Variants in GFRAL observed in about 807,000 individuals in gnomAD.
GFRAL encodes GDNF family receptor alpha-like.
In GFRAL, 36 loss-of-function variants were observed where a neutral mutation model predicts 45.4. That is an observed-to-expected ratio of 0.79 (90% confidence interval 0.61 to 1.05). GFRAL has a LOEUF of 1.05. Among genes scored for constraint, GFRAL ranks in the 50% least tolerant of loss-of-function variants. GFRAL has a pLI of 0.00. For synonymous variants in GFRAL, 166 were observed against 154.1 expected, an observed-to-expected ratio of 1.08 and a Z score of -0.57; for missense variants, 507 against 467.5, an observed-to-expected ratio of 1.08 and a Z score of -0.78.
intron 6 of GFRAL, among the ~76,000 whole-genome samples, chr6:55,391,694 G>T (rs974188018): frequency 2.6e-5 from 4 of 152,134 alleles, no homozygotes; most frequent in Admixed American, 2.6e-4. Flanking sequence ...AAGTTGCAGT[G>T]AAGTATGATT....
chr6:55,365,897 T>C (rs1279707736), intron 6 of GFRAL, among the ~76,000 whole-genome samples: 1 of 146,778 alleles, frequency 6.8e-6, no homozygotes, highest in Admixed American at 6.8e-5. Flanking sequence ...TGGTCTAAAA[T>C]TCTCTTTTTT....
chr6:55,366,318 G>A (rs1768362526), intron 6 of GFRAL, among the ~76,000 whole-genome samples: 1 of 151,780 alleles, frequency 6.6e-6, no homozygotes, highest in Non-Finnish European at 1.5e-5. Context: ...GCATCTATTT[G>A]ATTCTGCTCT....
chr6:55,378,289 A>T (rs1279545633), intron 6 of GFRAL, among the ~76,000 whole-genome samples: 1 of 152,096 alleles, frequency 6.6e-6, no homozygotes. Flanking sequence ...GCAAATTCAT[A>T]TCCAAAGTAA....
chr6:55,359,233 T>A, intron 6 of GFRAL, 95 bp downstream of exon 6: 1 of 991,048 alleles, frequency 1.0e-6, no homozygotes, highest in Non-Finnish European at 1.5e-6. Context: ...GTAAAAGAGG[T>A]AATCCAGCAC....
intron 6 of GFRAL, among the ~76,000 whole-genome samples, chr6:55,366,254 A>G (rs145322400): frequency 0.72 from 109,043 of 151,546 alleles, 40,032 homozygotes; most frequent in African/African-American, 0.87. Flanking sequence ...TTCTCTGATG[A>G]TAGTTTGTAT....
At chr6:55,383,685 C>T (rs1020623593) in intron 6 of GFRAL, among the ~76,000 whole-genome samples, 1 of 151,972 alleles carries the variant, frequency 6.6e-6, no homozygotes, top group South Asian at 2.1e-4. Context: ...TGGTCCTGAT[C>T]ATTAAGCTAC....
intron 3 of GFRAL, among the ~76,000 whole-genome samples, chr6:55,346,263 T>G (rs1339195031): frequency 6.6e-6 from 1 of 152,102 alleles, no homozygotes; most frequent in African/African-American, 2.4e-5. Flanking sequence ...GCAACACTAT[T>G]CACAATAGCA....
intron 3 of GFRAL, among the ~76,000 whole-genome samples, chr6:55,345,272 CT>C (rs1314843462): frequency 7.9e-5 from 12 of 152,298 alleles, no homozygotes. Flanking sequence ...CTGGAGGCAT[CT>C]TGCTACCTGA....
chr6:55,376,826 A>C (rs896252778), intron 6 of GFRAL, among the ~76,000 whole-genome samples: 1 of 151,218 alleles, frequency 6.6e-6, no homozygotes, highest in Admixed American at 6.6e-5. Flanking sequence ...TCATGTCTCT[A>C]TCTTCTTCAA....
At chr6:55,378,937 C>A (rs146709028) in intron 6 of GFRAL, among the ~76,000 whole-genome samples, 2 of 151,822 alleles carry the variant, frequency 1.3e-5, no homozygotes, top group African/African-American at 2.4e-5. Flanking sequence ...TTAACAGATC[C>A]GATAATATCC....
Position 55,402,037 on chromosome 6 carries a change from CTCAA to C in GFRAL, c.*187_*190del. On this transcript the variant is annotated 3_prime_UTR_variant, in exon 9 of 9. Transcript: ENST00000340465. ...TGTTGCCCAGGCTGCAGTACAATGGCTCAATCTCGGTTCACTGCAACCTCTGCCT... is the reference window on the plus strand; with the variant it reads ...TGTTGCCCAGGCTGCAGTACAATGGCTCTCGGTTCACTGCAACCTCTGCCT... 1 of 472,678 alleles carries C rather than the reference CTCAA, an allele frequency of 2.1e-6. No individual in the cohort carries two copies. Among genetic ancestry groups the C allele is most frequent in the Non-Finnish European group, 3.7e-6 (1 of 271,336 alleles). The allele number at this position is 472,678 out of a possible 1,614,324, so 29.3% of individuals were successfully genotyped here. A position where few individuals can be genotyped will look rare whatever the true frequency, so the allele number is the denominator to read the frequency against.
At chr6:55,347,406 G>A (rs1581905547) in intron 3 of GFRAL, among the ~76,000 whole-genome samples, 1 of 152,100 alleles carries the variant, frequency 6.6e-6, no homozygotes, top group South Asian at 2.1e-4. Flanking sequence ...TCTGAATTAA[G>A]GGTGGAAGAT....
rs773259878 is a variant in GFRAL at position 55,401,856 on chromosome 6, C to G, written c.*3C>G. 4.9e-6 allele frequency: 7 copies of G among 1,435,888 alleles called. No individual in the cohort carries two copies. In the Admixed American group the frequency reaches 5.0e-5, roughly 10 times the overall value. 88.9% of individuals were successfully genotyped at this position (1,435,888 alleles called of 1,614,324 possible). ...TCCAAATACCTGGAGAACTCTGATT[C>G]ATTAGGAGTCATGGACCTATAACAA... On this transcript the variant is annotated 3_prime_UTR_variant, in exon 9 of 9. Coordinates refer to ENST00000340465, the MANE Select transcript of GFRAL (RefSeq NM_207410.2).
At chr6:55,375,089 C>A (rs1358872308) in intron 6 of GFRAL, among the ~76,000 whole-genome samples, 1 of 151,938 alleles carries the variant, frequency 6.6e-6, no homozygotes, top group Admixed American at 6.6e-5. Context: ...TTGCTTAGGA[C>A]TGTCTTGGCT....
At chr6:55,369,043 G>T (rs186863221) in intron 6 of GFRAL, among the ~76,000 whole-genome samples, 1 of 150,332 alleles carries the variant, frequency 6.7e-6, no homozygotes, top group Non-Finnish European at 1.5e-5. Flanking sequence ...ACCCCAGCCT[G>T]GCTGCTGCCT....
intron 6 of GFRAL, among the ~76,000 whole-genome samples, chr6:55,379,123 A>G (rs971120467): frequency 6.6e-6 from 1 of 151,962 alleles, no homozygotes; most frequent in South Asian, 2.1e-4. Flanking sequence ...TAAATAGCAA[A>G]TATTGTGTAT....
chr6:55,395,075 C>T (rs760516663), intron 6 of GFRAL, among the ~76,000 whole-genome samples: 9 of 150,712 alleles, frequency 6.0e-5, no homozygotes, highest in Admixed American at 1.3e-4. Flanking sequence ...TCTCATCATT[C>T]GAAATGACTG....
At chr6:55,336,245 C>G (rs1296902747) in intron 3 of GFRAL, among the ~76,000 whole-genome samples, 1 of 152,182 alleles carries the variant, frequency 6.6e-6, no homozygotes, top group Non-Finnish European at 1.5e-5. Context: ...GGCCGGGCCA[C>G]TTCTTTGTCT....
At chr6:55,370,425 C>T (rs1166439552) in intron 6 of GFRAL, among the ~76,000 whole-genome samples, 1 of 152,018 alleles carries the variant, frequency 6.6e-6, no homozygotes, top group African/African-American at 2.4e-5. Flanking sequence ...TGAAATGAAG[C>T]CATGTTGTGA....
Sources: allele counts gnomAD v4.1 joint callset (sites outside exome capture counted in the v4.1 genomes callset), GRCh38; gene constraint gnomAD v4.1.1; transcripts MANE v1.5; gene names NCBI Gene and HGNC (gene_info 2026-07-23, HGNC 2026-07-21).